The following PFKL variants were observed in gnomAD, a reference collection of about 807,000 sequenced individuals.
PFKL encodes phosphofructokinase, liver type.
In PFKL, 74 loss-of-function variants were observed where a neutral mutation model predicts 92.1. That is an observed-to-expected ratio of 0.80 (90% CI 0.67 to 0.97). The LOEUF is 0.97. Among genes scored for constraint, PFKL ranks in the 50% least tolerant of loss-of-function variants. The pLI, the probability that PFKL is intolerant of heterozygous loss-of-function variation, is 0.00. For synonymous variants in PFKL, 494 were observed against 456.4 expected (o/e 1.08, Z -1.05); for missense variants, 1,028 against 1,116.6 (o/e 0.92, Z 1.13).
intron 18 of PFKL, 111 bp downstream of exon 18, chr21:44,325,028 G>T: frequency 1.6e-6 from 2 of 1,230,956 alleles, no homozygotes; most frequent in Non-Finnish European, 2.3e-6. Flanking sequence ...CCTTGGAGAG[G>T]GTGGGCCAGG....
chr21:44,310,489 G>A (rs1403625382), intron 2 of PFKL, among the ~76,000 whole-genome samples: 3 of 152,310 alleles, frequency 2.0e-5, no homozygotes, highest in Non-Finnish European at 2.9e-5. Flanking sequence ...CCGCTCTGGC[G>A]GGCAGATGGT....
At chr21:44,325,579 CCTTA>C in intron 19 of PFKL, 1 of 510,702 alleles carries the variant, frequency 2.0e-6, no homozygotes, top group Non-Finnish European at 3.6e-6. Context: ...ATGCTCCCTG[CCTTA>C]TGGTGGCCCT....
intron 2 of PFKL, chr21:44,307,424 CTTG>C (rs2040983426): frequency 2.1e-6 from 1 of 487,072 alleles, no homozygotes; most frequent in East Asian, 1.5e-4. Context: ...GCATTCTTGC[CTTG>C]TCAGGTGGTT....
chr21:44,323,841 C>G lies in PFKL; in HGVS notation c.1573C>G (p.Pro525Ala). The change falls in exon 16 of 22, where the codon CCA (proline) becomes GCA (alanine). Residue 525 changes from proline to alanine, a missense_variant. Coordinates refer to ENST00000349048, the MANE Select transcript of PFKL (RefSeq NM_002626.6). ...GCTCTGCATCGTCATGTGTGTCATCCCAGCCACCATCAGCAACAACGTCCC... is the reference window on the plus strand; with the variant it reads ...GCTCTGCATCGTCATGTGTGTCATCGCAGCCACCATCAGCAACAACGTCCC... The part of the protein sequence containing the change: ...EELCIVMCVI[P>A]ATISNNVPGT... 4 of 1,613,530 alleles carry G rather than the reference C, an allele frequency of 2.5e-6. No homozygotes were observed. The highest frequency in any genetic ancestry group is 2.2e-5 in the South Asian group (2 of 91,080).
intron 11 of PFKL, 72 bp from the exon 12 acceptor site, chr21:44,320,012 G>A (rs888526441): frequency 1.1e-5 from 16 of 1,420,338 alleles, no homozygotes; most frequent in Non-Finnish European, 1.6e-5. Context: ...CCTGGGCTCT[G>A]TCACGGCTGC....
chr21:44,311,107 A>G, intron 3 of PFKL, 24 bp downstream of exon 3: 2 of 1,596,212 alleles, frequency 1.3e-6, no homozygotes, highest in Non-Finnish European at 1.7e-6. Context: ...ACGCGGATGC[A>G]TGTTGCACTT....
chr21:44,303,440 A>AAAAAAAAGACTTGATCG (rs1601988579), intron 1 of PFKL, among the ~76,000 whole-genome samples: 9 of 68,712 alleles, frequency 1.3e-4, no homozygotes, highest in East Asian at 3.4e-4. Context: ...GACCAAAAAA[A>AAAAAAAAGACTTGATCG]AAAAAAAAAA....
chr21:44,325,478 G>A (rs963124266), intron 19 of PFKL: 50 of 583,102 alleles, frequency 8.6e-5, no homozygotes, highest in Middle Eastern at 4.6e-4. Context: ...GCCGGGGCCC[G>A]AGCCAGGGCA....
rs1427300523 is a variant in PFKL, at chr21:44,324,598, T to C, written c.1758T>C (p.Ala586=). Residue 586 remains alanine, a synonymous_variant, in exon 17 of 22, where the codon GCT becomes GCC. Transcript: ENST00000349048. The stretch of plus-strand genomic sequence containing the variant: ...ACCTGGCCACCGTGACTGGCATTGC[T>C]GTGGGGGCCGACGCCGCCTACGTCT... ...CGYLATVTGI[A]VGADAAYVFE... The C allele has an allele frequency of 6.2e-6, 10 of 1,612,280 alleles. No homozygotes were observed. Among genetic ancestry groups the C allele is most frequent in the African/African-American group, 1.3e-5 (1 of 74,834 alleles).
intron 1 of PFKL, among the ~76,000 whole-genome samples, chr21:44,300,523 C>T (rs1315323604): frequency 6.6e-6 from 1 of 152,212 alleles, no homozygotes; most frequent in African/African-American, 2.4e-5. Flanking sequence ...CCGGTCCCGC[C>T]ACCCCCAGAG....
chr21:44,302,664 T>C (rs1219313392), intron 1 of PFKL, among the ~76,000 whole-genome samples: 1 of 152,160 alleles, frequency 6.6e-6, no homozygotes, highest in Admixed American at 6.5e-5. Context: ...AATGCTGAAG[T>C]CTGCGTTTGT....
intron 2 of PFKL, among the ~76,000 whole-genome samples, chr21:44,307,721 A>ACGCTGGGGTGG (rs2040993891): frequency 1.3e-5 from 2 of 151,620 alleles, no homozygotes; most frequent in South Asian, 4.2e-4. Context: ...CCCTGTGGCC[A>ACGCTGGGGTGG]GGCTGGGGCC....
Position 44,317,066 on chromosome 21 carries a change from G to A in PFKL, c.936+542G>A, listed in dbSNP as rs150558049. ...AGCATTCGGGGTCTGGCCTGGCCTCGCCGTCCTTGGTCCTGATCACCGCTG... is the reference window on the plus strand; with the variant it reads ...AGCATTCGGGGTCTGGCCTGGCCTCACCGTCCTTGGTCCTGATCACCGCTG... On this transcript the variant is annotated intron_variant, in intron 9 of 21. Transcript: ENST00000349048. Among the ~76,000 whole-genome samples the A allele has an allele frequency of 3.7e-3, 563 of 152,330 alleles. 4 individuals carry two copies. Among genetic ancestry groups the A allele is most frequent in the African/African-American group, 0.012 (507 of 41,570 alleles).
chr21:44,313,301 C>T (rs987970684), intron 5 of PFKL, among the ~76,000 whole-genome samples, 158 bp downstream of exon 5: 3 of 152,180 alleles, frequency 2.0e-5, no homozygotes, highest in Admixed American at 6.5e-5. Flanking sequence ...GAACGCACAG[C>T]GGGCTCCACT....
chr21:44,312,590 C>T (rs1001550992), intron 4 of PFKL, among the ~76,000 whole-genome samples: 5 of 152,160 alleles, frequency 3.3e-5, no homozygotes, highest in South Asian at 2.1e-4. Context: ...GTGATTGATC[C>T]GAGTGAGATT....
At chr21:44,323,982 G>A (rs2047428139) in intron 16 of PFKL, 64 bp downstream of exon 16, 10 of 1,569,752 alleles carry the variant, frequency 6.4e-6, no homozygotes, top group South Asian at 3.4e-5. Flanking sequence ...CTGAGCCTAC[G>A]GAGGCTGCTG....
At position 44,318,186 on chromosome 21, in the gene PFKL, G is replaced by A. The variant is rs541367105; in HGVS notation, c.937-284G>A. On this transcript the variant is annotated intron_variant, in intron 9 of 21. Coordinates refer to ENST00000349048, the MANE Select transcript of PFKL (RefSeq NM_002626.6). ...CCCGCCCTTGCCTTGCGCGCCTAGC[G>A]ATGGCAGCGAGCGACGGTGGGTGGG... 9.2e-5 allele frequency among the ~76,000 whole-genome samples: 14 copies of A among 152,360 alleles called. No individual in the cohort carries two copies. In the South Asian group the frequency reaches 2.9e-3, roughly 32 times the overall value.
chr21:44,325,156 C>G lies in PFKL; in HGVS notation c.1881C>G (p.Asn627Lys). The change falls in exon 19 of 22, where the codon AAC (asparagine) becomes AAG (lysine). Residue 627 changes from asparagine (N) to lysine (K), a missense_variant. Physicochemically the swap from Asn to Lys is moderately conservative, Grantham distance 94. Transcript: ENST00000349048. ...CAGGCCCTGCTGCCCCTCTCAGGAA[C>G]GAGAAGTGCCATGACTACTACACCA... is the stretch of plus-strand genomic sequence containing the variant. ...TDIQRGLVLR[N>K]EKCHDYYTTE... 1 of 1,607,278 alleles carries G rather than the reference C, an allele frequency of 6.2e-7. No individual in the cohort carries two copies. Among genetic ancestry groups the G allele is most frequent in the Non-Finnish European group, 8.5e-7 (1 of 1,174,514 alleles).
chr21:44,302,362 A>G (rs3788114), intron 1 of PFKL, among the ~76,000 whole-genome samples: 52,145 of 152,148 alleles, frequency 0.34, 10,040 homozygotes, highest in African/African-American at 0.52. Context: ...GGGCTGATTC[A>G]TGGAGGATGA....
Sources: allele counts gnomAD v4.1 joint callset (sites outside exome capture counted in the v4.1 genomes callset), GRCh38; gene constraint gnomAD v4.1.1; transcripts MANE v1.5; gene names NCBI Gene and HGNC (gene_info 2026-07-23, HGNC 2026-07-21).